The following PTPRD variants were observed in gnomAD, a reference collection of about 807,000 sequenced individuals.
PTPRD encodes the protein protein tyrosine phosphatase receptor type D, also known as receptor-type tyrosine-protein phosphatase delta.
PTPRD carries 34 observed loss-of-function variants against 214.5 expected under a neutral mutation model. The observed-to-expected ratio is 0.16, with a 90% CI of 0.12 to 0.21. The LOEUF (loss-of-function observed/expected upper bound fraction) is 0.21. Ranked by LOEUF, PTPRD falls within the 10% of genes least tolerant of loss-of-function variation. The pLI, the probability that PTPRD is intolerant of heterozygous loss-of-function variation, is 1.00. For missense variants in PTPRD, 2,545 were observed against 2,398.7 expected (o/e 1.06, Z -1.27); for synonymous variants, 1,128 against 845.7 (o/e 1.33, Z -5.79).
At position 8,567,957 on chromosome 9, in the gene PTPRD, A is replaced by T. The variant is rs2089911965; in HGVS notation, c.353-39178T>A. ...TAAAATATTAAAGTCATCACTATGA[A>T]TATATATTTAGAAATGAGACCTTAT... On this transcript the variant is annotated intron_variant, in intron 14 of 45. Coordinates refer to ENST00000381196, the MANE Select transcript of PTPRD (RefSeq NM_002839.4). 3.3e-5 allele frequency among the ~76,000 whole-genome samples: 5 copies of T among 152,262 alleles called. No individual in the cohort carries two copies. In the South Asian group the frequency reaches 1.0e-3, roughly 32 times the overall value.
At chr9:9,464,434 T>C (rs1055436528) in intron 8 of PTPRD, among the ~76,000 whole-genome samples, 1 of 152,220 alleles carries the variant, frequency 6.6e-6, no homozygotes, top group Non-Finnish European at 1.5e-5. Context: ...GCTGTTTAAT[T>C]ATAGAAACAA....
At chr9:9,959,259 G>C (rs2094176957) in intron 4 of PTPRD, among the ~76,000 whole-genome samples, 1 of 152,088 alleles carries the variant, frequency 6.6e-6, no homozygotes, top group African/African-American at 2.4e-5. Flanking sequence ...ACATATTTGT[G>C]ATTACAATTA....
intron 9 of PTPRD, among the ~76,000 whole-genome samples, chr9:9,292,342 T>G (rs1206385067): frequency 6.6e-6 from 1 of 151,450 alleles, no homozygotes; most frequent in Non-Finnish European, 1.5e-5. Flanking sequence ...TTTGTCACTT[T>G]CCGCATGATG....
chr9:9,428,949 C>T (rs1432743612), intron 8 of PTPRD, among the ~76,000 whole-genome samples: 6 of 152,110 alleles, frequency 3.9e-5, no homozygotes, highest in Non-Finnish European at 8.8e-5. Context: ...CAAGAGAAAG[C>T]AGGAAAGATC....
chr9:9,372,978 G>T (rs1289640038), intron 9 of PTPRD, among the ~76,000 whole-genome samples: 1 of 152,038 alleles, frequency 6.6e-6, no homozygotes, highest in African/African-American at 2.4e-5. Flanking sequence ...AAAAATACCA[G>T]TTTAGAGTCT....
At chr9:9,330,421 C>T (rs956056809) in intron 9 of PTPRD, among the ~76,000 whole-genome samples, 1 of 152,010 alleles carries the variant, frequency 6.6e-6, no homozygotes, top group Non-Finnish European at 1.5e-5. Flanking sequence ...AGTACAGTAA[C>T]CTTTGGGATT....
chr9:10,160,099 T>C (rs1273744956), intron 3 of PTPRD, among the ~76,000 whole-genome samples: 1 of 151,912 alleles, frequency 6.6e-6, no homozygotes. Context: ...AGAAACCCAC[T>C]TCACCAATAA....
At chr9:9,270,546 A>C (rs181395063) in intron 9 of PTPRD, among the ~76,000 whole-genome samples, 1 of 151,538 alleles carries the variant, frequency 6.6e-6, no homozygotes, top group African/African-American at 2.4e-5. Context: ...TGTGAACTAC[A>C]GAGTATAATG....
Position 10,501,319 on chromosome 9 carries a change from G to A in PTPRD, c.-600+111079C>T, listed in dbSNP as rs568309744. Among the ~76,000 whole-genome samples the A allele has an allele frequency of 2.2e-4, 34 of 152,006 alleles. 2 individuals are homozygous for A. The South Asian group carries it at 6.6e-3, about 30-fold the overall frequency. On this transcript the variant is annotated intron_variant, in intron 2 of 45. Coordinates refer to ENST00000381196, the MANE Select transcript of PTPRD (RefSeq NM_002839.4). ...ATGTTGAGCAACTTTTTAGATATCT[G>A]TTTGCCATTTGTATTTTTTAGTTTG...
chr9:8,720,625 A>C (rs769898362), intron 12 of PTPRD, among the ~76,000 whole-genome samples: 2 of 152,238 alleles, frequency 1.3e-5, no homozygotes, highest in Non-Finnish European at 1.5e-5. Context: ...TAATAAAAGA[A>C]TGGAAATCAT....
At chr9:8,675,338 C>G (rs1008508740) in intron 12 of PTPRD, among the ~76,000 whole-genome samples, 1 of 151,890 alleles carries the variant, frequency 6.6e-6, no homozygotes, top group African/African-American at 2.4e-5. Context: ...ATCACATATC[C>G]TGCAGAGTGA....
At chr9:9,027,395 C>T (rs571488612) in intron 10 of PTPRD, among the ~76,000 whole-genome samples, 11 of 151,898 alleles carry the variant, frequency 7.2e-5, no homozygotes, top group Middle Eastern at 3.4e-3. Flanking sequence ...ACTGTAATTT[C>T]GTTTGTAGTG....
intron 5 of PTPRD, among the ~76,000 whole-genome samples, chr9:9,824,355 G>C (rs2051915341): frequency 6.6e-6 from 1 of 151,856 alleles, no homozygotes; most frequent in Non-Finnish European, 1.5e-5. Context: ...TTTCTGAATA[G>C]AATTTGACAT....
chr9:9,388,623 T>G (rs1180729783), intron 9 of PTPRD, among the ~76,000 whole-genome samples: 1 of 152,032 alleles, frequency 6.6e-6, no homozygotes, highest in Non-Finnish European at 1.5e-5. Flanking sequence ...CATATACAAG[T>G]TTATGAAGAA....
intron 5 of PTPRD, among the ~76,000 whole-genome samples, chr9:9,899,186 T>TGTAGAGAATCTGTAG (rs2075785935): frequency 6.6e-6 from 1 of 151,908 alleles, no homozygotes; most frequent in Non-Finnish European, 1.5e-5. Context: ...TAACAAAATA[T>TGTAGAGAATCTGTAG]GTAGAGAATC....
At chr9:9,222,770 C>A (rs117427207) in intron 9 of PTPRD, among the ~76,000 whole-genome samples, 2 of 151,780 alleles carry the variant, frequency 1.3e-5, no homozygotes, top group African/African-American at 2.4e-5. Flanking sequence ...AAGTGAACTG[C>A]GAATAAAAGT....
chr9:8,468,798 GAAA>G (rs35027583), intron 31 of PTPRD, among the ~76,000 whole-genome samples: 6,834 of 123,500 alleles, frequency 0.055, 190 homozygotes, highest in South Asian at 0.11. Flanking sequence ...ATCCATGGTA[GAAA>G]AAAAAAAAAA....
At chr9:8,624,962 A>G (rs1257072276) in intron 14 of PTPRD, among the ~76,000 whole-genome samples, 5 of 151,822 alleles carry the variant, frequency 3.3e-5, no homozygotes, top group African/African-American at 1.2e-4. Context: ...CTCTTAATGC[A>G]TTGTATCTAC....
chr9:9,320,869 T>A (rs1966121880), intron 9 of PTPRD, among the ~76,000 whole-genome samples: 1 of 152,184 alleles, frequency 6.6e-6, no homozygotes, highest in African/African-American at 2.4e-5. Context: ...ATTGAGAATT[T>A]GTATTTTGTC....
Sources: allele counts gnomAD v4.1 joint callset (sites outside exome capture counted in the v4.1 genomes callset), GRCh38; gene constraint gnomAD v4.1.1; transcripts MANE v1.5; gene names NCBI Gene and HGNC (gene_info 2026-07-23, HGNC 2026-07-21).